COG4: variants seen among roughly 807,000 people sequenced by gnomAD.
COG4 encodes the protein component of oligomeric golgi complex 4, also known as conserved oligomeric Golgi complex subunit 4.
Under a neutral mutation model 95.1 loss-of-function variants are expected in COG4, and 65 were observed. The observed-to-expected ratio is 0.68, with a 90% CI of 0.56 to 0.84. COG4 has a LOEUF of 0.84. Among genes scored for constraint, COG4 ranks in the 40% least tolerant of loss-of-function variants. The probability of loss-of-function intolerance (pLI) is 0.00; values close to 1 mark genes in which losing one functional copy is unlikely to be tolerated. For missense variants in COG4, 1,045 were observed against 989.1 expected, an observed-to-expected ratio of 1.06 and a Z score of -0.76; for synonymous variants, 421 against 374.8, an observed-to-expected ratio of 1.12 and a Z score of -1.42.
intron 12 of COG4, among the ~76,000 whole-genome samples, chr16:70,492,820 G>A (rs1170528630): frequency 9.9e-5 from 15 of 151,810 alleles, no homozygotes; most frequent in African/African-American, 3.1e-4. Flanking sequence ...AAAATTAGTC[G>A]GGTGTGGTGG....
At chr16:70,492,133 A>C (rs2049257013) in intron 12 of COG4, among the ~76,000 whole-genome samples, 1 of 152,214 alleles carries the variant, frequency 6.6e-6, no homozygotes, top group African/African-American at 2.4e-5. Context: ...TTCCAGATGG[A>C]TAAACAGGTG....
At chr16:70,484,804 C>T (rs9926435) in intron 13 of COG4, among the ~76,000 whole-genome samples, 18,291 of 152,018 alleles carry the variant, frequency 0.12, 3,648 homozygotes, top group African/African-American at 0.41. Flanking sequence ...GAGGCTGAGG[C>T]GAGAGGATCC....
intron 7 of COG4, chr16:70,508,698 G>C: frequency 1.5e-6 from 1 of 656,326 alleles, no homozygotes; most frequent in Non-Finnish European, 2.8e-6. Flanking sequence ...CATGCTAATG[G>C]TGTTCCAATA....
intron 9 of COG4, among the ~76,000 whole-genome samples, chr16:70,499,864 G>A (rs993289525): frequency 4.6e-5 from 7 of 152,116 alleles, no homozygotes; most frequent in Admixed American, 6.5e-5. Context: ...GTTTCACCAC[G>A]TTAGCCAGGA....
At chr16:70,481,720 A>G in intron 17 of COG4, 44 bp downstream of exon 17, 1 of 1,543,158 alleles carries the variant, frequency 6.5e-7, no homozygotes. Context: ...TGTCTTCCTC[A>G]GAGGAGAAAC....
intron 7 of COG4, 137 bp from the exon 8 acceptor site, chr16:70,508,601 A>G: frequency 6.5e-6 from 5 of 772,828 alleles, no homozygotes; most frequent in South Asian, 5.7e-5. Flanking sequence ...CCTTCAAGCC[A>G]GCAGTGGGCT....
chr16:70,497,266 C>T lies in COG4; in HGVS notation c.1436G>A (p.Cys479Tyr). The change falls in exon 11 of 19, where the codon TGT (cysteine) becomes TAT (tyrosine). Residue 479 changes from cysteine (C) to tyrosine (Y), a missense_variant. Coordinates refer to ENST00000323786, the MANE Select transcript of COG4 (RefSeq NM_015386.3). ...TGTGGTGGCGAGGTTGATCATGGCA[C>T]AGAGACAGTCAATGCTGGAGCTGGA... ...ALSSSSIDCLCAMINLATTEL... is the reference protein window; with the variant it reads ...ALSSSSIDCLYAMINLATTEL... The T allele has an allele frequency of 6.2e-7, 1 of 1,614,168 alleles. No individual in the cohort carries two copies. The highest frequency in any genetic ancestry group is 1.7e-5 in the Admixed American group (1 of 60,014).
intron 4 of COG4, among the ~76,000 whole-genome samples, chr16:70,513,893 C>T (rs897827303): frequency 1.3e-5 from 2 of 152,124 alleles, no homozygotes; most frequent in African/African-American, 2.4e-5. Context: ...ACAGGACCTA[C>T]GTATGGCCTA....
Position 70,482,830 on chromosome 16 carries a change from G to A in COG4, c.1828-9C>T. On this transcript the variant is annotated splice_polypyrimidine_tract_variant and intron_variant, in intron 14 of 18. Transcript: ENST00000323786. The stretch of plus-strand genomic sequence containing the variant: ...AGCTCCGTCAGCCCTTCCTGCACAA[G>A]GACAAGGTGGAGACATGTGACACAG... 1 of 1,610,902 alleles carries A rather than the reference G, an allele frequency of 6.2e-7. No homozygotes were observed. Among genetic ancestry groups the A allele is most frequent in the Non-Finnish European group, 8.5e-7 (1 of 1,177,368 alleles).
At chr16:70,494,220 G>A (rs568188286) in intron 12 of COG4, among the ~76,000 whole-genome samples, 1 of 152,324 alleles carries the variant, frequency 6.6e-6, no homozygotes, top group South Asian at 2.1e-4. Flanking sequence ...GTGTTTCCAA[G>A]GCATTTAAGA....
At position 70,506,702 on chromosome 16, in the gene COG4, C is replaced by T. The variant is rs529947471; in HGVS notation, c.1061+1704G>A. On this transcript the variant is annotated intron_variant, in intron 8 of 18. Coordinates refer to ENST00000323786, the MANE Select transcript of COG4 (RefSeq NM_015386.3). ...TCGGGAGGCTGAGGCTGGAGGATCGCCTGAGTCCACGAGTTGGTGGTTACA... is the reference window on the plus strand; with the variant it reads ...TCGGGAGGCTGAGGCTGGAGGATCGTCTGAGTCCACGAGTTGGTGGTTACA... Among the ~76,000 whole-genome samples, 77 of 147,220 alleles carry T rather than the reference C, an allele frequency of 5.2e-4. 1 individual carries two copies. In the South Asian group the frequency reaches 0.017, roughly 33 times the overall value.
At chr16:70,508,781 C>A (rs761573428) in intron 7 of COG4, 4 of 578,220 alleles carry the variant, frequency 6.9e-6, no homozygotes, top group Non-Finnish European at 1.3e-5. Flanking sequence ...ATTTCTATGT[C>A]GTACTTTTAC....
intron 13 of COG4, among the ~76,000 whole-genome samples, chr16:70,485,493 C>T (rs1037704883): frequency 6.6e-5 from 10 of 151,066 alleles, no homozygotes; most frequent in African/African-American, 2.2e-4. Context: ...TGTGAGCCAT[C>T]GCGCCTGGCA....
At chr16:70,514,238 T>C in intron 4 of COG4, 97 bp downstream of exon 4, 1 of 1,169,096 alleles carries the variant, frequency 8.6e-7, no homozygotes, top group Non-Finnish European at 1.2e-6. Flanking sequence ...AAAAGAAAAC[T>C]TCCTAAAAAC....
intron 6 of COG4, 29 bp from the exon 7 acceptor site, chr16:70,509,417 T>C: frequency 6.2e-7 from 1 of 1,613,506 alleles, no homozygotes; most frequent in Non-Finnish European, 8.5e-7. Context: ...TAGGGTTATA[T>C]TCCAAGTATT....
intron 8 of COG4, among the ~76,000 whole-genome samples, chr16:70,503,026 A>G (rs1332134623): frequency 1.3e-5 from 2 of 152,132 alleles, no homozygotes; most frequent in Non-Finnish European, 2.9e-5. Context: ...TCCTTTGCAC[A>G]CTGAAGTCCA....
chr16:70,517,954 C>T lies in COG4; in HGVS notation c.255-214G>A, dbSNP rs545772250. 1.4e-3 allele frequency among the ~76,000 whole-genome samples: 211 copies of T among 149,724 alleles called. 1 individual carries two copies. The highest frequency in any genetic ancestry group is 4.4e-4 in the Non-Finnish European group (30 of 67,782). On this transcript the variant is annotated intron_variant, in intron 2 of 18. Transcript: ENST00000323786. ...AATTAACTCTTTTTTTTTTTTGAGA[C>T]GGAGTCTTGCTTTGTCGCCAGGCTG... is the stretch of plus-strand genomic sequence containing the variant.
chr16:70,484,792 A>G (rs1194595108), intron 13 of COG4, among the ~76,000 whole-genome samples: 3 of 152,172 alleles, frequency 2.0e-5, no homozygotes, highest in East Asian at 3.9e-4. Context: ...CTAGCTACTC[A>G]GGAGGCTGAG....
At chr16:70,481,712 T>C in intron 17 of COG4, 52 bp downstream of exon 17, 1 of 1,513,664 alleles carries the variant, frequency 6.6e-7, no homozygotes, top group Non-Finnish European at 9.2e-7. Flanking sequence ...GCATGACATG[T>C]CTTCCTCAGA....
Sources: gnomAD v4.1 joint callset for allele counts (sites outside exome capture counted in the v4.1 genomes callset) on GRCh38, gnomAD v4.1.1 for gene constraint, MANE v1.5 for transcripts, NCBI Gene and HGNC (gene_info 2026-07-23, HGNC 2026-07-21) for gene names.